Variants in KAZN observed in about 807,000 individuals in gnomAD.
KAZN encodes the protein kazrin, periplakin interacting protein.
Under a neutral mutation model 87.4 loss-of-function variants are expected in KAZN, and 40 were observed. That is an observed-to-expected ratio of 0.46 (90% CI 0.36 to 0.60). KAZN has a LOEUF of 0.60. KAZN is among the 20% of genes least tolerant of loss of function. The pLI is 0.00. For synonymous variants in KAZN, 466 were observed against 458.3 expected (o/e 1.02, Z -0.22); for missense variants, 898 against 1,073.9 (o/e 0.84, Z 2.29).
intron 5 of KAZN, among the ~76,000 whole-genome samples, chr1:15,057,423 G>T (rs901796967): frequency 1.3e-5 from 2 of 152,208 alleles, no homozygotes; most frequent in African/African-American, 4.8e-5. Context: ...GGTCAGAGCT[G>T]GGTAAATATT....
chr1:15,020,602 C>T (rs1003369630), intron 2 of KAZN, among the ~76,000 whole-genome samples: 2 of 152,146 alleles, frequency 1.3e-5, no homozygotes, highest in Non-Finnish European at 2.9e-5. Context: ...GTGTGGCCAT[C>T]GTTCATTCAT....
chr1:14,638,501 G>T (rs1029016075), intron 1 of KAZN, among the ~76,000 whole-genome samples: 8 of 151,132 alleles, frequency 5.3e-5, no homozygotes, highest in Non-Finnish European at 7.4e-5. Context: ...CCTGGGAGGC[G>T]GAGGTTGCAG....
In KAZN at chr1:14,820,913, C is replaced by G. The variant is rs71629900; in HGVS notation, c.227-139771C>G. Among the ~76,000 whole-genome samples, 87 of 152,022 alleles carry G rather than the reference C, an allele frequency of 5.7e-4. No homozygotes were observed. The highest frequency in any genetic ancestry group is 1.1e-3 in the Non-Finnish European group (73 of 68,014). On this transcript the variant is annotated intron_variant, in intron 1 of 14. Coordinates refer to ENST00000376030, the MANE Select transcript of KAZN (RefSeq NM_201628.3). The surrounding 1 kb of genome is among the most constrained non-coding windows in gnomAD (Gnocchi z 4.1). ...AGCAAAAGGTGAATAAGGGCTCAGA[C>G]GACATGACGGCACCGGGGATGGCAA...
chr1:14,876,508 G>T (rs74059639), intron 1 of KAZN, among the ~76,000 whole-genome samples: 2,988 of 152,284 alleles, frequency 0.02, 98 homozygotes, highest in African/African-American at 0.067. Context: ...TCTTTGCAGG[G>T]GAAGCAGACA....
At chr1:14,258,105 C>T (rs1443881040) in intron 2 of KAZN, among the ~76,000 whole-genome samples, 2 of 151,444 alleles carry the variant, frequency 1.3e-5, no homozygotes, top group Non-Finnish European at 2.9e-5. Context: ...AGCCTGAGAC[C>T]CTTCATCACG....
rs547656025 is a variant in KAZN, at chr1:14,321,321, G to A, written c.249+140729G>A. On this transcript the variant is annotated intron_variant, in intron 2 of 16. Coordinates refer to the KAZN transcript ENST00000636203. ...AGAACATTTCGTATCGCGAATGGCC[G>A]AGCAAGGGGAAAAGGAGATTGTTAT... Among the ~76,000 whole-genome samples the A allele has an allele frequency of 9.2e-5, 14 of 152,212 alleles. No individual in the cohort carries two copies. The South Asian group carries it at 2.3e-3, about 25-fold the overall frequency.
At chr1:14,969,523 C>T (rs880922) in intron 2 of KAZN, among the ~76,000 whole-genome samples, 78,671 of 152,174 alleles carry the variant, frequency 0.52, 21,586 homozygotes, top group African/African-American at 0.7. Flanking sequence ...TCGGAACTCA[C>T]TGGAAGCTTC....
At chr1:14,528,372 A>G (rs1479079695) in intron 2 of KAZN, among the ~76,000 whole-genome samples, 1 of 151,208 alleles carries the variant, frequency 6.6e-6, no homozygotes, top group Non-Finnish European at 1.5e-5. Context: ...GAAAGAAAAA[A>G]AGGAAAATTA....
chr1:14,903,729 T>C (rs960588149), intron 1 of KAZN, among the ~76,000 whole-genome samples: 3 of 152,238 alleles, frequency 2.0e-5, no homozygotes, highest in African/African-American at 7.2e-5. Context: ...AAATCAATTT[T>C]AAAACATAAT....
chr1:13,963,689 A>G (rs757054192), intron 1 of KAZN, among the ~76,000 whole-genome samples: 1 of 151,702 alleles, frequency 6.6e-6, no homozygotes, highest in Non-Finnish European at 1.5e-5. Flanking sequence ...TCCTCCATGA[A>G]AAAACAAAAA....
chr1:14,000,153 T>A (rs867691038), intron 1 of KAZN, among the ~76,000 whole-genome samples: 31 of 152,204 alleles, frequency 2.0e-4, no homozygotes, highest in Non-Finnish European at 3.8e-4. Flanking sequence ...CTTCTGAAAC[T>A]ATTCCAAAGA....
chr1:14,630,633 G>T (rs1679495548), intron 1 of KAZN, among the ~76,000 whole-genome samples: 2 of 152,194 alleles, frequency 1.3e-5, no homozygotes, highest in South Asian at 4.1e-4. Flanking sequence ...TGCTTTGTAA[G>T]CCATAAAATG....
At chr1:14,934,461 T>G (rs1660218084) in intron 1 of KAZN, among the ~76,000 whole-genome samples, 1 of 152,184 alleles carries the variant, frequency 6.6e-6, no homozygotes, top group Non-Finnish European at 1.5e-5. Flanking sequence ...TGCCTTTGCC[T>G]CCCAAAGTGC....
chr1:14,518,529 G>A (rs1309945870), intron 2 of KAZN, among the ~76,000 whole-genome samples: 1 of 152,156 alleles, frequency 6.6e-6, no homozygotes, highest in Non-Finnish European at 1.5e-5. Context: ...AATGTCAGCT[G>A]ATTAGAGTCC....
At chr1:13,920,640 G>A (rs778144039) in intron 1 of KAZN, among the ~76,000 whole-genome samples, 1 of 152,198 alleles carries the variant, frequency 6.6e-6, no homozygotes, top group Non-Finnish European at 1.5e-5. Context: ...ATATTTAAGG[G>A]TTTAGGGAGG....
intron 2 of KAZN, among the ~76,000 whole-genome samples, chr1:14,557,662 GTGTGGT>G (rs1163121046): frequency 7.8e-6 from 1 of 128,108 alleles, no homozygotes; most frequent in African/African-American, 3.0e-5. Context: ...GTGTGTGTGT[GTGTGGT>G]GTGTGAGAGA....
intron 2 of KAZN, among the ~76,000 whole-genome samples, chr1:14,968,923 G>A (rs1489547763): frequency 1.3e-5 from 2 of 152,212 alleles, no homozygotes; most frequent in African/African-American, 4.8e-5. Flanking sequence ...CACACTCAGT[G>A]TACCTTACTT....
intron 1 of KAZN, among the ~76,000 whole-genome samples, chr1:14,069,425 G>C (rs1291114549): frequency 1.3e-5 from 2 of 152,042 alleles, no homozygotes; most frequent in African/African-American, 4.8e-5. Flanking sequence ...CTGTGCGCTG[G>C]GACTCTGAAA....
At chr1:15,033,812 C>T (rs550871420) in intron 2 of KAZN, among the ~76,000 whole-genome samples, 1 of 152,328 alleles carries the variant, frequency 6.6e-6, no homozygotes, top group South Asian at 2.1e-4. Context: ...AATCTCAGCT[C>T]ACTGCAACCT....
Sources: gnomAD v4.1 joint callset for allele counts (sites outside exome capture counted in the v4.1 genomes callset) on GRCh38, gnomAD v4.1.1 for gene constraint, Gnocchi (gnomAD v3.1) non-coding constraint, MANE v1.5 for transcripts, NCBI Gene and HGNC (gene_info 2026-07-23, HGNC 2026-07-21) for gene names.